ADAMTS3: variants seen among roughly 807,000 people sequenced by gnomAD.
ADAMTS3 encodes A disintegrin and metalloproteinase with thrombospondin motifs 3.
In ADAMTS3, 73 loss-of-function variants were observed where a neutral mutation model predicts 129.0. The observed-to-expected ratio is 0.57, with a 90% CI of 0.47 to 0.69. ADAMTS3 has a LOEUF of 0.69. ADAMTS3 is among the 30% of genes least tolerant of loss of function. ADAMTS3 has a pLI of 0.00. For missense variants in ADAMTS3, 1,457 were observed against 1,514.5 expected, an observed-to-expected ratio of 0.96 and a Z score of 0.63; for synonymous variants, 477 against 510.8, an observed-to-expected ratio of 0.93 and a Z score of 0.89.
At chr4:72,286,731 G>C (rs186800718) in intron 21 of ADAMTS3, among the ~76,000 whole-genome samples, 1 of 152,262 alleles carries the variant, frequency 6.6e-6, no homozygotes, top group Admixed American at 6.5e-5. Context: ...TTAAGAGAAG[G>C]GTTGTGGTGG....
At chr4:72,473,630 C>T (rs1719143746) in intron 3 of ADAMTS3, among the ~76,000 whole-genome samples, 1 of 151,494 alleles carries the variant, frequency 6.6e-6, no homozygotes, top group Non-Finnish European at 1.5e-5. Flanking sequence ...TCCATCTTGT[C>T]AAGATTGTGA....
intron 17 of ADAMTS3, among the ~76,000 whole-genome samples, chr4:72,303,153 T>C (rs984926952): frequency 2.0e-5 from 3 of 152,118 alleles, no homozygotes; most frequent in Non-Finnish European, 4.4e-5. Context: ...GACTCTCTTC[T>C]GTGCTGCTGA....
At chr4:72,301,809 T>G (rs1718956826) in intron 17 of ADAMTS3, among the ~76,000 whole-genome samples, 1 of 152,112 alleles carries the variant, frequency 6.6e-6, no homozygotes, top group Non-Finnish European at 1.5e-5. Context: ...GGCCAGGTTC[T>G]GGACCTGGAG....
At chr4:72,487,330 A>T (rs114116834) in intron 3 of ADAMTS3, among the ~76,000 whole-genome samples, 1 of 152,258 alleles carries the variant, frequency 6.6e-6, no homozygotes, top group Non-Finnish European at 1.5e-5. Context: ...GTGCTAAAAT[A>T]GGTCTTCAAA....
chr4:72,387,152 C>A (rs1360030981), intron 4 of ADAMTS3, among the ~76,000 whole-genome samples: 2 of 152,146 alleles, frequency 1.3e-5, no homozygotes, highest in Non-Finnish European at 2.9e-5. Context: ...ACTCTACTCC[C>A]TTTAGAGAAC....
intron 4 of ADAMTS3, among the ~76,000 whole-genome samples, chr4:72,396,399 T>C (rs1217068100): frequency 6.6e-6 from 1 of 151,948 alleles, no homozygotes; most frequent in Non-Finnish European, 1.5e-5. Flanking sequence ...TGACAAAGTA[T>C]GAAAATCAAC....
At position 72,456,026 on chromosome 4, in the gene ADAMTS3, TA is replaced by T. The variant is rs1213211866; in HGVS notation, c.505-41056del. Among the ~76,000 whole-genome samples, 9 of 32,128 alleles carry T rather than the reference TA, an allele frequency of 2.8e-4. 2 individuals carry two copies. The highest frequency in any genetic ancestry group is 9.2e-4 in the African/African-American group (9 of 9,816). 21.1% of individuals were successfully genotyped at this position (32,128 alleles called of 152,430 possible). The stretch of plus-strand genomic sequence containing the variant: ...ACATATAGTATATATACTATATATA[TA>T]TTTTACATATAGTATATATACTATA... On this transcript the variant is annotated intron_variant, in intron 3 of 21. Transcript: ENST00000286657.
chr4:72,429,779 A>T (rs16847908), intron 3 of ADAMTS3, among the ~76,000 whole-genome samples: 101,200 of 151,858 alleles, frequency 0.67, 33,912 homozygotes, highest in South Asian at 0.8. Flanking sequence ...AGGAATTCAA[A>T]CCAGATCAGT....
chr4:72,410,122 G>A (rs1722150192), intron 4 of ADAMTS3, among the ~76,000 whole-genome samples: 1 of 152,166 alleles, frequency 6.6e-6, no homozygotes, highest in African/African-American at 2.4e-5. Flanking sequence ...CATAGGTCAT[G>A]AGAACTTCCA....
At chr4:72,434,762 T>C (rs542785131) in intron 3 of ADAMTS3, among the ~76,000 whole-genome samples, 38 of 151,988 alleles carry the variant, frequency 2.5e-4, no homozygotes, top group African/African-American at 8.9e-4. Context: ...TGGGACTGAC[T>C]TCAGCAGGTG....
chr4:72,476,914 A>G (rs949696249), intron 3 of ADAMTS3, among the ~76,000 whole-genome samples: 5 of 152,198 alleles, frequency 3.3e-5, no homozygotes, highest in Admixed American at 1.3e-4. Flanking sequence ...TTAAAATCAC[A>G]TATCAAATGA....
At chr4:72,554,623 T>C (rs1302457804) in intron 2 of ADAMTS3, among the ~76,000 whole-genome samples, 1 of 149,228 alleles carries the variant, frequency 6.7e-6, no homozygotes, top group Non-Finnish European at 1.5e-5. Context: ...CTTTCCCCCA[T>C]ATGACATCAT....
At chr4:72,316,682 C>A (rs1354579406) in intron 10 of ADAMTS3, among the ~76,000 whole-genome samples, 1 of 143,290 alleles carries the variant, frequency 7.0e-6, no homozygotes, top group Non-Finnish European at 1.6e-5. Flanking sequence ...AACAGTGAGA[C>A]ACTATCTCAA....
At chr4:72,366,742 G>T (rs534464975) in intron 4 of ADAMTS3, among the ~76,000 whole-genome samples, 4 of 150,122 alleles carry the variant, frequency 2.7e-5, no homozygotes, top group East Asian at 2.0e-4. Flanking sequence ...TCCTCATGAA[G>T]AAATTTTTAA....
intron 3 of ADAMTS3, among the ~76,000 whole-genome samples, chr4:72,539,928 T>C (rs1721279593): frequency 6.6e-6 from 1 of 152,156 alleles, no homozygotes; most frequent in Admixed American, 6.5e-5. Context: ...CAGTCTCAGA[T>C]ACATCTGTAT....
At chr4:72,350,978 C>T (rs1451961856) in intron 4 of ADAMTS3, among the ~76,000 whole-genome samples, 7 of 151,916 alleles carry the variant, frequency 4.6e-5, no homozygotes, top group African/African-American at 1.7e-4. Context: ...TCTCCAGGCT[C>T]TCAGCTCTGG....
chr4:72,377,547 C>A (rs941953941), intron 4 of ADAMTS3, among the ~76,000 whole-genome samples: 1 of 152,150 alleles, frequency 6.6e-6, no homozygotes, highest in East Asian at 1.9e-4. Flanking sequence ...ACACAGTAGT[C>A]CCAGTATGAC....
At chr4:72,338,217 A>C (rs953515054) in intron 5 of ADAMTS3, among the ~76,000 whole-genome samples, 1 of 152,160 alleles carries the variant, frequency 6.6e-6, no homozygotes, top group Non-Finnish European at 1.5e-5. Context: ...AAGCATGCCA[A>C]AGTTACATAA....
chr4:72,315,753 T>C (rs145989151), intron 11 of ADAMTS3, 105 bp downstream of exon 11: 248 of 699,868 alleles, frequency 3.5e-4, no homozygotes, highest in East Asian at 3.4e-3. Context: ...TACTATGGTT[T>C]TCATAAAAAT....
Sources: allele counts gnomAD v4.1 joint callset (sites outside exome capture counted in the v4.1 genomes callset), GRCh38; gene constraint gnomAD v4.1.1; transcripts MANE v1.5; gene names NCBI Gene and HGNC (gene_info 2026-07-23, HGNC 2026-07-21).